CTNNA3: variants seen among roughly 807,000 people sequenced by gnomAD.
The protein encoded by CTNNA3 is catenin alpha-3.
A neutral mutation model predicts 95.7 loss-of-function variants in CTNNA3; 76 were observed. That is an observed-to-expected ratio of 0.79 (90% CI 0.66 to 0.96). The LOEUF is 0.96. Ranked by LOEUF, CTNNA3 falls within the 40% of genes least tolerant of loss-of-function variation. CTNNA3 has a pLI of 0.00. For synonymous variants in CTNNA3, 431 were observed against 374.4 expected, an observed-to-expected ratio of 1.15 and a Z score of -1.74; for missense variants, 1,191 against 1,089.8, an observed-to-expected ratio of 1.09 and a Z score of -1.31.
chr10:66,148,438 T>C (rs1017292931), intron 13 of CTNNA3, among the ~76,000 whole-genome samples: 2 of 152,074 alleles, frequency 1.3e-5, no homozygotes, highest in South Asian at 4.1e-4. Flanking sequence ...TTGGTATGAA[T>C]AGGTGAGATG....
rs531239373 is a variant in CTNNA3, at chr10:66,724,244, C to T, written c.1281+42020G>A. On this transcript the variant is annotated intron_variant, in intron 9 of 17. Transcript: ENST00000433211. ...AAATGTTCTGCTTACAAACCCTATT[C>T]ATGCTTTTTAATCAATTGATACTTG... Among the ~76,000 whole-genome samples, 3 of 152,302 alleles carry T rather than the reference C, an allele frequency of 2.0e-5. No individual in the cohort carries two copies. In the East Asian group the frequency reaches 5.8e-4, roughly 29 times the overall value.
At chr10:67,254,662 G>A (rs1478769326) in intron 5 of CTNNA3, among the ~76,000 whole-genome samples, 2 of 152,240 alleles carry the variant, frequency 1.3e-5, no homozygotes, top group South Asian at 2.1e-4. Context: ...CTGTAAGATC[G>A]TAATGTCGTA....
chr10:67,443,513 T>C (rs10823044), intron 5 of CTNNA3, among the ~76,000 whole-genome samples: 110,802 of 151,770 alleles, frequency 0.73, 43,410 homozygotes, highest in Non-Finnish European at 0.88. Context: ...TGATATCTCA[T>C]TGTGGTTTTG....
At chr10:65,956,819 A>T (rs935043163) in intron 17 of CTNNA3, among the ~76,000 whole-genome samples, 2 of 152,150 alleles carry the variant, frequency 1.3e-5, no homozygotes. Flanking sequence ...TATGTTGTCA[A>T]TTTTGGAATA....
intron 7 of CTNNA3, among the ~76,000 whole-genome samples, chr10:66,901,325 C>T (rs1845735200): frequency 1.3e-5 from 2 of 152,106 alleles, no homozygotes; most frequent in Admixed American, 1.3e-4. Flanking sequence ...TAAGCAAATG[C>T]TGAGAGATTT....
At chr10:66,863,778 G>T (rs1426374442) in intron 7 of CTNNA3, among the ~76,000 whole-genome samples, 1 of 152,066 alleles carries the variant, frequency 6.6e-6, no homozygotes, top group East Asian at 1.9e-4. Flanking sequence ...TAGCAACAGG[G>T]TGTCTAATTG....
At chr10:66,227,071 C>G (rs1476939570) in intron 13 of CTNNA3, among the ~76,000 whole-genome samples, 4 of 152,004 alleles carry the variant, frequency 2.6e-5, no homozygotes, top group Non-Finnish European at 5.9e-5. Context: ...CACTGTGTAG[C>G]CCAGGCTGGT....
chr10:67,256,376 G>A (rs6480254), intron 5 of CTNNA3, among the ~76,000 whole-genome samples: 37,022 of 152,006 alleles, frequency 0.24, 7,554 homozygotes, highest in African/African-American at 0.55. Flanking sequence ...CTGCCTTACC[G>A]AATGCCTTCT....
intron 9 of CTNNA3, among the ~76,000 whole-genome samples, chr10:66,643,911 A>T (rs984769712): frequency 6.6e-6 from 1 of 152,184 alleles, no homozygotes; most frequent in African/African-American, 2.4e-5. Flanking sequence ...TAACAGCTCT[A>T]GTAGAGAACA....
At chr10:67,327,386 C>G (rs1327575791) in intron 5 of CTNNA3, among the ~76,000 whole-genome samples, 1 of 152,110 alleles carries the variant, frequency 6.6e-6, no homozygotes, top group Non-Finnish European at 1.5e-5. Context: ...AACTGCTGAC[C>G]TTTGGATGGG....
At chr10:65,935,453 C>T (rs1055594057) in intron 17 of CTNNA3, among the ~76,000 whole-genome samples, 6 of 151,936 alleles carry the variant, frequency 3.9e-5, no homozygotes, top group South Asian at 2.1e-4. Flanking sequence ...TAAGCAGAAA[C>T]GGTGACAGAG....
intron 16 of CTNNA3, among the ~76,000 whole-genome samples, chr10:65,971,161 G>A (rs1041868914): frequency 1.3e-5 from 2 of 151,800 alleles, no homozygotes; most frequent in African/African-American, 2.4e-5. Context: ...TGTAGCAAAA[G>A]TGCTGTTAAG....
rs1050780062 is a variant in CTNNA3 at position 67,491,522 on chromosome 10, A to C, written c.579+30320T>G. ...AGTACAAGTAAGAGCCAGATCAGAA[A>C]ATTCCAGGAGGAAAATAATCATGCA... On this transcript the variant is annotated intron_variant, in intron 5 of 17. Coordinates refer to ENST00000433211, the MANE Select transcript of CTNNA3 (RefSeq NM_013266.4). Among the ~76,000 whole-genome samples, 3 of 152,234 alleles carry C rather than the reference A, an allele frequency of 2.0e-5. No individual in the cohort carries two copies. The East Asian group carries it at 5.8e-4, about 29-fold the overall frequency.
intron 1 of CTNNA3, among the ~76,000 whole-genome samples, chr10:67,655,999 T>A (rs930705216): frequency 6.6e-6 from 1 of 152,114 alleles, no homozygotes; most frequent in Admixed American, 6.5e-5. Context: ...TACAATATTA[T>A]CATAGCTGAT....
intron 5 of CTNNA3, among the ~76,000 whole-genome samples, chr10:67,447,725 A>T (rs1293933930): frequency 3.3e-5 from 5 of 152,078 alleles, no homozygotes; most frequent in Non-Finnish European, 7.4e-5. Flanking sequence ...TCATCCTCAT[A>T]GCTCTTATAA....
chr10:67,387,287 A>C (rs1844215891), intron 5 of CTNNA3, among the ~76,000 whole-genome samples: 1 of 152,114 alleles, frequency 6.6e-6, no homozygotes, highest in African/African-American at 2.4e-5. Flanking sequence ...GAGTCAAAGA[A>C]AGGGGTGACG....
chr10:67,466,408 T>C (rs1847597491), intron 5 of CTNNA3, among the ~76,000 whole-genome samples: 1 of 152,218 alleles, frequency 6.6e-6, no homozygotes, highest in Non-Finnish European at 1.5e-5. Flanking sequence ...GTAGCAATAC[T>C]GTGGTATAAT....
rs12219081 is a variant in CTNNA3 at position 66,473,947 on chromosome 10, G to T, written c.1531+46670C>A. 0.031 allele frequency among the ~76,000 whole-genome samples: 4,684 copies of T among 152,008 alleles called. 357 individuals are homozygous for T. The East Asian group carries it at 0.32, about 10-fold the overall frequency. Reference sequence around the variant, plus strand: ...ACATTTGGGTTGGTTCCAAGTCTTTGCTATTGTGAATAGTGCCACAATAAA... The same window carrying T: ...ACATTTGGGTTGGTTCCAAGTCTTTTCTATTGTGAATAGTGCCACAATAAA... On this transcript the variant is annotated intron_variant, in intron 11 of 17. Coordinates refer to ENST00000433211, the MANE Select transcript of CTNNA3 (RefSeq NM_013266.4).
intron 5 of CTNNA3, among the ~76,000 whole-genome samples, chr10:67,418,514 T>TTAA (rs1554834495): frequency 8.3e-5 from 12 of 144,248 alleles, no homozygotes; most frequent in African/African-American, 3.0e-4. Context: ...TATTTCACTG[T>TTAA]AAAAAAAAAA....
Sources: gnomAD v4.1 joint callset for allele counts (sites outside exome capture counted in the v4.1 genomes callset) on GRCh38, gnomAD v4.1.1 for gene constraint, MANE v1.5 for transcripts, NCBI Gene and HGNC (gene_info 2026-07-23, HGNC 2026-07-21) for gene names.